CUL4A: variants seen among roughly 807,000 people sequenced by gnomAD.
The protein encoded by CUL4A is cullin 4A, also known as cullin-4A.
A neutral mutation model predicts 95.5 loss-of-function variants in CUL4A; 16 were observed. The observed-to-expected ratio is 0.17, with a 90% confidence interval of 0.11 to 0.25. The LOEUF (loss-of-function observed/expected upper bound fraction) is 0.25, where lower values mean the gene tolerates loss of function less well. CUL4A is among the 10% of genes least tolerant of loss of function. The pLI is 1.00. For missense variants in CUL4A, 610 were observed against 937.0 expected (o/e 0.65, Z 4.56); for synonymous variants, 380 against 353.1 (o/e 1.08, Z -0.85).
chr13:113,220,400 C>T (rs1003621139), intron 3 of CUL4A, among the ~76,000 whole-genome samples: 1 of 152,264 alleles, frequency 6.6e-6, no homozygotes, highest in Non-Finnish European at 1.5e-5. Flanking sequence ...AGTGACCGCA[C>T]ACCACCTTTT....
At chr13:113,224,815 G>C (rs1008622203) in intron 3 of CUL4A, among the ~76,000 whole-genome samples, 1 of 152,188 alleles carries the variant, frequency 6.6e-6, no homozygotes, top group African/African-American at 2.4e-5. Context: ...CCCTGTTAAT[G>C]CTCGGCCAGA....
chr13:113,216,296 A>G lies in CUL4A; in HGVS notation c.265-2649A>G, dbSNP rs548305415. On this transcript the variant is annotated intron_variant, in intron 2 of 19. Transcript: ENST00000375440. ...GGGATTGCCCTTATCCGCAGTGAGC[A>G]TTTTGTTTAAGTAGCAGTGAGTTCA... is the stretch of plus-strand genomic sequence containing the variant. Among the ~76,000 whole-genome samples, 3 of 152,312 alleles carry G rather than the reference A, an allele frequency of 2.0e-5. No individual in the cohort carries two copies. The South Asian group carries it at 6.2e-4, about 32-fold the overall frequency.
At chr13:113,260,533 G>A (rs2042249316) in intron 18 of CUL4A, 74 bp from the exon 19 acceptor site, 1 of 1,374,436 alleles carries the variant, frequency 7.3e-7, no homozygotes, top group Non-Finnish European at 9.9e-7. Context: ...CCAGGCAACT[G>A]AGTGAGACTC....
chr13:113,252,632 T>C (rs1284195679), intron 15 of CUL4A, among the ~76,000 whole-genome samples: 5 of 152,240 alleles, frequency 3.3e-5, no homozygotes, highest in African/African-American at 9.6e-5. Flanking sequence ...CATCAGCCCC[T>C]GCACAGTGCA....
chr13:113,239,536 G>A lies in CUL4A; in HGVS notation c.1020G>A (p.Trp340Ter). Residue 340 changes from tryptophan to a stop codon, truncating the protein, a stop_gained, in exon 10 of 20, where the codon TGG becomes TGA. Transcript: ENST00000375440. LOFTEE classifies it high-confidence loss of function. ...RGGQQALLQH[W>*]SEYIKTFGTA... ...GGCAGCAGGCGCTGCTGCAGCACTG[G>A]AGCGAGTACATCAAGGTACTGGCGG... is the stretch of plus-strand genomic sequence containing the variant. 6.2e-7 allele frequency: 1 copy of A among 1,612,924 alleles called. No homozygotes were observed. The highest frequency in any genetic ancestry group is 8.5e-7 in the Non-Finnish European group (1 of 1,179,482).
intron 2 of CUL4A, among the ~76,000 whole-genome samples, chr13:113,218,038 A>G (rs770206465): frequency 6.6e-6 from 1 of 152,214 alleles, no homozygotes; most frequent in Non-Finnish European, 1.5e-5. Context: ...GGCGTTTGAG[A>G]CCGGCCTGGC....
intron 4 of CUL4A, among the ~76,000 whole-genome samples, chr13:113,228,378 C>T (rs1009381421): frequency 1.3e-5 from 2 of 152,188 alleles, no homozygotes; most frequent in Non-Finnish European, 2.9e-5. Context: ...GCACAACCAG[C>T]GTCTTAGGCT....
In CUL4A at chr13:113,233,994, G is replaced by A. The variant is rs1309395873; in HGVS notation, c.765+8G>A. Reference sequence around the variant, plus strand: ...TTAATGCAGGAAAGAGAGGTGAGATGATGGGATGTTTCCGAATCCCCTGGC... The same window carrying A: ...TTAATGCAGGAAAGAGAGGTGAGATAATGGGATGTTTCCGAATCCCCTGGC... On this transcript the variant is annotated splice_region_variant and intron_variant, in intron 7 of 19. Transcript: ENST00000375440. 6.3e-7 allele frequency: 1 copy of A among 1,580,458 alleles called. No individual in the cohort carries two copies.
chr13:113,240,532 C>T (rs71446680), intron 10 of CUL4A, among the ~76,000 whole-genome samples: 30,296 of 152,130 alleles, frequency 0.2, 3,801 homozygotes, highest in South Asian at 0.42. Flanking sequence ...TGTGTTTTTG[C>T]TTGCTGGTGA....
chr13:113,253,577 TA>T (rs903308748), intron 16 of CUL4A, among the ~76,000 whole-genome samples: 1 of 151,862 alleles, frequency 6.6e-6, no homozygotes, highest in East Asian at 1.9e-4. Context: ...AAAAAAAAAT[TA>T]AAAAAAACAG....
intron 3 of CUL4A, among the ~76,000 whole-genome samples, chr13:113,225,275 T>C (rs2139144443): frequency 1.3e-5 from 2 of 152,302 alleles, no homozygotes; most frequent in East Asian, 3.9e-4. Context: ...CATCCTGGAA[T>C]TACTTGCACA....
chr13:113,264,939 A>T lies in CUL4A; in HGVS notation c.*1357A>T, dbSNP rs2139325985. The stretch of plus-strand genomic sequence containing the variant: ...ATATGTGGTCTAAGAAAGACCAAAC[A>T]GATTTCTATTTTTTTTTTCTTATAA... On this transcript the variant is annotated 3_prime_UTR_variant, in exon 20 of 20. Coordinates refer to ENST00000375440, the MANE Select transcript of CUL4A (RefSeq NM_001008895.4). 2.2e-5 allele frequency: 1 copy of T among 46,202 alleles called. No homozygotes were observed. The highest frequency in any genetic ancestry group is 6.0e-5 in the African/African-American group (1 of 16,712). 2.9% of individuals were successfully genotyped at this position (46,202 alleles called of 1,614,324 possible). A position where few individuals can be genotyped will look rare whatever the true frequency, so the allele number is the denominator to read the frequency against.
chr13:113,252,147 C>A (rs137872515), intron 15 of CUL4A, among the ~76,000 whole-genome samples: 1 of 152,256 alleles, frequency 6.6e-6, no homozygotes, highest in East Asian at 1.9e-4. Context: ...CCGGAAAACA[C>A]GAGCAGGATC....
chr13:113,262,263 C>T (rs909938746), intron 19 of CUL4A, among the ~76,000 whole-genome samples: 1 of 152,210 alleles, frequency 6.6e-6, no homozygotes, highest in Non-Finnish European at 1.5e-5. Context: ...GCTGTGGATT[C>T]GTCTCCTCAG....
intron 15 of CUL4A, among the ~76,000 whole-genome samples, chr13:113,252,060 G>C (rs1178275845): frequency 1.3e-5 from 2 of 152,132 alleles, no homozygotes; most frequent in Non-Finnish European, 2.9e-5. Flanking sequence ...GGGTATGACG[G>C]ACCAGGAAGG....
chr13:113,209,431 T>TC (rs1252037092), upstream of CUL4A: 5 of 160,526 alleles, frequency 3.1e-5, no homozygotes, highest in East Asian at 1.1e-3. Context: ...GTCCGATCCC[T>TC]CAGGAGGGAT....
intron 18 of CUL4A, among the ~76,000 whole-genome samples, chr13:113,256,738 C>G (rs531036863): frequency 8.5e-5 from 13 of 152,272 alleles, no homozygotes; most frequent in African/African-American, 2.6e-4. Flanking sequence ...TTAGAAAGCT[C>G]TTTGCCACAC....
intron 18 of CUL4A, among the ~76,000 whole-genome samples, chr13:113,256,926 G>GTTTTTTTTTTTTTTTTTTTTTTTTCTT (rs951070829): frequency 8.4e-5 from 4 of 47,378 alleles, no homozygotes; most frequent in Non-Finnish European, 1.1e-4. Flanking sequence ...TTTTTTTTTC[G>GTTTTTTTTTTTTTTTTTTTTTTTTCTT]TTTTTTTTTT....
intron 5 of CUL4A, 130 bp downstream of exon 5, chr13:113,229,649 C>G (rs558002236): frequency 1.3e-6 from 1 of 742,838 alleles, no homozygotes; most frequent in East Asian, 2.7e-5. Context: ...CAGCCAAAAT[C>G]ATTAACGTGA....
Sources: allele counts gnomAD v4.1 joint callset (sites outside exome capture counted in the v4.1 genomes callset), GRCh38; gene constraint gnomAD v4.1.1; transcripts MANE v1.5; gene names NCBI Gene and HGNC (gene_info 2026-07-23, HGNC 2026-07-21).